The following CNTN5 variants were observed in gnomAD, a reference collection of about 807,000 sequenced individuals.
CNTN5 encodes the protein contactin-5.
A neutral mutation model predicts 129.1 loss-of-function variants in CNTN5; 77 were observed. That is an observed-to-expected ratio of 0.60 (90% CI 0.50 to 0.72). The LOEUF is 0.72. CNTN5 is among the 30% of genes least tolerant of loss of function. The pLI is 0.00. For missense variants in CNTN5, 1,478 were observed against 1,328.8 expected, an observed-to-expected ratio of 1.11 and a Z score of -1.75; for synonymous variants, 509 against 465.6, an observed-to-expected ratio of 1.09 and a Z score of -1.20.
intron 1 of CNTN5, among the ~76,000 whole-genome samples, chr11:99,217,705 G>A (rs1591372824): frequency 6.6e-6 from 1 of 152,136 alleles, no homozygotes; most frequent in Admixed American, 6.5e-5. Context: ...TAGAAGAGAA[G>A]AAGAGAATTT....
Position 99,652,683 on chromosome 11 carries a change from G to A in CNTN5, c.55+96414G>A, listed in dbSNP as rs562449653. On this transcript the variant is annotated intron_variant, in intron 3 of 24. Transcript: ENST00000524871. ...TAATTTATATAACTTAGTCCATTTT[G>A]TACAACTATTTAAGTTTGCAGTCGA... 5.9e-5 allele frequency among the ~76,000 whole-genome samples: 9 copies of A among 152,100 alleles called. No individual in the cohort carries two copies. In the East Asian group the frequency reaches 1.7e-3, roughly 29 times the overall value.
At chr11:99,430,998 G>GGTT (rs778538306) in intron 2 of CNTN5, among the ~76,000 whole-genome samples, 2 of 139,474 alleles carry the variant, frequency 1.4e-5, no homozygotes, top group African/African-American at 5.3e-5. Flanking sequence ...TTTCCTGGCT[G>GGTT]TTTTTTTTTT....
chr11:100,313,279 C>G (rs1951508092), intron 21 of CNTN5, among the ~76,000 whole-genome samples: 1 of 151,668 alleles, frequency 6.6e-6, no homozygotes. Context: ...ATAATCCAAG[C>G]AAGAAATGAT....
chr11:99,279,931 G>C (rs1454187096), intron 1 of CNTN5, among the ~76,000 whole-genome samples: 1 of 151,124 alleles, frequency 6.6e-6, no homozygotes, highest in Non-Finnish European at 1.5e-5. Context: ...GGGGAAAGAG[G>C]GGGAGACACA....
intron 2 of CNTN5, among the ~76,000 whole-genome samples, chr11:99,513,865 C>T (rs948757919): frequency 5.3e-5 from 8 of 152,036 alleles, no homozygotes; most frequent in African/African-American, 1.7e-4. Context: ...CATTCTGTAG[C>T]CCATGGATCA....
chr11:99,853,757 T>C (rs562154041), intron 6 of CNTN5, among the ~76,000 whole-genome samples: 8 of 152,220 alleles, frequency 5.3e-5, no homozygotes, highest in African/African-American at 1.9e-4. Context: ...CTAAACATAT[T>C]TGATGCACCA....
At chr11:99,890,749 G>C (rs1949038501) in intron 6 of CNTN5, among the ~76,000 whole-genome samples, 1 of 152,118 alleles carries the variant, frequency 6.6e-6, no homozygotes, top group East Asian at 1.9e-4. Flanking sequence ...AATCAGCACG[G>C]AAAAAGGGAA....
intron 13 of CNTN5, among the ~76,000 whole-genome samples, chr11:100,137,151 C>T (rs1591301781): frequency 6.6e-6 from 1 of 151,846 alleles, no homozygotes; most frequent in East Asian, 1.9e-4. Flanking sequence ...AGATGTTTTC[C>T]ATTATCCATT....
At chr11:99,267,905 AACAC>A (rs1165135036) in intron 1 of CNTN5, among the ~76,000 whole-genome samples, 5 of 127,404 alleles carry the variant, frequency 3.9e-5, no homozygotes, top group African/African-American at 9.5e-5. Flanking sequence ...CTATCAAGTA[AACAC>A]ACACACACAC....
At chr11:99,219,903 A>G (rs1034900259) in intron 1 of CNTN5, among the ~76,000 whole-genome samples, 4 of 152,116 alleles carry the variant, frequency 2.6e-5, no homozygotes, top group South Asian at 2.1e-4. Flanking sequence ...TTATTGAAAT[A>G]GCTTCTTCTG....
At chr11:99,377,700 T>G in intron 2 of CNTN5, among the ~76,000 whole-genome samples, 1 of 152,260 alleles carries the variant, frequency 6.6e-6, no homozygotes, top group South Asian at 2.1e-4. Flanking sequence ...TGCTACATAT[T>G]ATTTCCTCTT....
intron 3 of CNTN5, among the ~76,000 whole-genome samples, chr11:99,655,568 G>A (rs1272206790): frequency 6.6e-6 from 1 of 152,260 alleles, no homozygotes; most frequent in Non-Finnish European, 1.5e-5. Context: ...GAAGCAAACA[G>A]TTGCAGTGTC....
chr11:99,100,218 T>TTC (rs1235466623), intron 1 of CNTN5, among the ~76,000 whole-genome samples: 1 of 152,010 alleles, frequency 6.6e-6, no homozygotes, highest in Non-Finnish European at 1.5e-5. Flanking sequence ...AAAATATTTT[T>TTC]TCTCTCTCTC....
chr11:99,269,579 T>C (rs1863077220), intron 1 of CNTN5, among the ~76,000 whole-genome samples: 2 of 151,996 alleles, frequency 1.3e-5, no homozygotes, highest in South Asian at 2.1e-4. Context: ...GTTTTGTCCT[T>C]ACTCAGAGTC....
chr11:100,335,653 A>G (rs1314030646), intron 21 of CNTN5, among the ~76,000 whole-genome samples: 1 of 152,086 alleles, frequency 6.6e-6, no homozygotes, highest in East Asian at 1.9e-4. Context: ...CTGTAATCCC[A>G]GCTACTTGGG....
chr11:99,616,573 G>C (rs544855732), intron 3 of CNTN5, among the ~76,000 whole-genome samples: 6 of 152,284 alleles, frequency 3.9e-5, no homozygotes, highest in African/African-American at 1.4e-4. Context: ...TTATAATCTA[G>C]TAGAGAATGT....
intron 23 of CNTN5, among the ~76,000 whole-genome samples, chr11:100,346,966 A>T (rs1039306483): frequency 6.6e-6 from 1 of 152,038 alleles, no homozygotes; most frequent in African/African-American, 2.4e-5. Flanking sequence ...CCTTTATAAA[A>T]CCATCAGATC....
intron 2 of CNTN5, among the ~76,000 whole-genome samples, chr11:99,530,607 TC>T (rs1947663161): frequency 6.6e-6 from 1 of 152,150 alleles, no homozygotes; most frequent in Non-Finnish European, 1.5e-5. Flanking sequence ...GTTGGCTGTG[TC>T]CCCACCCAAA....
At chr11:99,399,438 G>A (rs1264335248) in intron 2 of CNTN5, among the ~76,000 whole-genome samples, 1 of 151,496 alleles carries the variant, frequency 6.6e-6, no homozygotes, top group Non-Finnish European at 1.5e-5. Flanking sequence ...AAGGAACATT[G>A]AGCTATATAA....
Sources: allele counts gnomAD v4.1 joint callset (sites outside exome capture counted in the v4.1 genomes callset), GRCh38; gene constraint gnomAD v4.1.1; transcripts MANE v1.5; gene names NCBI Gene and HGNC (gene_info 2026-07-23, HGNC 2026-07-21).